Variants in TRMT11 observed in about 807,000 individuals in gnomAD.
TRMT11 encodes tRNA (guanine(10)-N(2))-methyltransferase TRMT11.
TRMT11 carries 53 observed loss-of-function variants against 62.8 expected under a neutral mutation model. The ratio of observed to expected loss-of-function variants is 0.84; its 90% confidence interval spans 0.68 to 1.06. TRMT11 has a LOEUF of 1.06. Ranked by LOEUF, TRMT11 falls within the 50% of genes least tolerant of loss-of-function variation. The probability of loss-of-function intolerance (pLI) is 0.00; values close to 1 mark genes in which losing one functional copy is unlikely to be tolerated. For synonymous variants in TRMT11, 188 were observed against 190.3 expected (o/e 0.99, Z 0.10); for missense variants, 556 against 553.4 (o/e 1.00, Z -0.05).
At chr6:126,026,447 G>A (rs991392042) in intron 12 of TRMT11, among the ~76,000 whole-genome samples, 3 of 151,892 alleles carry the variant, frequency 2.0e-5, no homozygotes, top group South Asian at 4.2e-4. Context: ...GTGCAGTGGC[G>A]TGATCTTGAC....
chr6:126,201,168 T>A (rs1376949136), intron 3 of TRMT11, among the ~76,000 whole-genome samples: 2 of 152,202 alleles, frequency 1.3e-5, no homozygotes, highest in African/African-American at 4.8e-5. Context: ...CATGGAGAAG[T>A]GCTTTGATGT....
At chr6:126,029,206 T>G (rs902109088) in intron 12 of TRMT11, among the ~76,000 whole-genome samples, 2 of 152,190 alleles carry the variant, frequency 1.3e-5, no homozygotes, top group African/African-American at 4.8e-5. Flanking sequence ...ATGTCCTCTT[T>G]CCACTTTATG....
chr6:126,218,743 C>G, the TRMT11 span, among the ~76,000 whole-genome samples: 1 of 152,240 alleles, frequency 6.6e-6, no homozygotes, highest in African/African-American at 2.4e-5. Context: ...CTCACTAGGT[C>G]ATGTGCTCTG....
At position 125,995,959 on chromosome 6, in the gene TRMT11, T is replaced by C. The variant is rs778228917; in HGVS notation, c.139-8T>C. The C allele has an allele frequency of 2.2e-5, 35 of 1,580,784 alleles. No homozygotes were observed. Among genetic ancestry groups the C allele is most frequent in the Admixed American group, 1.7e-4 (10 of 59,914 alleles). On this transcript the variant is annotated splice_region_variant and splice_polypyrimidine_tract_variant and intron_variant, in intron 2 of 12. Coordinates refer to ENST00000334379, the MANE Select transcript of TRMT11 (RefSeq NM_001031712.3). ...TAGAATTAAGTTGCATATTGTTATT[T>C]CTTTTAGTCACCATTTTGGATTCTT...
chr6:126,103,383 A>C (rs1777425002), intron 17 of TRMT11, among the ~76,000 whole-genome samples: 1 of 152,228 alleles, frequency 6.6e-6, no homozygotes, highest in South Asian at 2.1e-4. Flanking sequence ...AAAGTTGTAT[A>C]GGTTATATAT....
the TRMT11 span, among the ~76,000 whole-genome samples, chr6:126,216,107 T>G: frequency 6.6e-6 from 1 of 152,260 alleles, no homozygotes; most frequent in East Asian, 1.9e-4. Context: ...TAATTTATAT[T>G]TCCTCATTAA....
chr6:126,138,499 T>G (rs1201325368), intron 21 of TRMT11, among the ~76,000 whole-genome samples: 1 of 152,016 alleles, frequency 6.6e-6, no homozygotes, highest in Non-Finnish European at 1.5e-5. Context: ...TAGATAATAT[T>G]AATCATTTGA....
chr6:126,236,673 T>C, the TRMT11 span, among the ~76,000 whole-genome samples: 2 of 152,246 alleles, frequency 1.3e-5, no homozygotes, highest in Admixed American at 6.5e-5. Context: ...GTTCTCTTTA[T>C]GTTACAATAG....
the TRMT11 span, among the ~76,000 whole-genome samples, chr6:126,228,586 G>A: frequency 6.6e-6 from 1 of 152,120 alleles, no homozygotes; most frequent in Non-Finnish European, 1.5e-5. Context: ...TTTATAAGCC[G>A]ATCTGTTCAT....
Position 126,151,859 on chromosome 6 carries a change from T to C in TRMT11, c.*1824-22966T>C, listed in dbSNP as rs11751948. Among the ~76,000 whole-genome samples, 94 of 132,524 alleles carry C rather than the reference T, an allele frequency of 7.1e-4. 1 individual carries two copies. Among genetic ancestry groups the C allele is most frequent in the South Asian group, 1.7e-3 (7 of 4,196 alleles). The allele number at this position is 132,524 out of a possible 152,430, so 86.9% of individuals were successfully genotyped here. ...CTTTCTTTCTTTCTTTCTTTCTTTC[T>C]TTCTTTCCTTCTTTCTCCTTCCTTC... On this transcript the variant is annotated intron_variant and NMD_transcript_variant, in intron 21 of 22. Coordinates refer to the TRMT11 transcript ENST00000648977.
intron 21 of TRMT11, among the ~76,000 whole-genome samples, chr6:126,168,472 G>A (rs1778293378): frequency 1.3e-5 from 2 of 152,136 alleles, no homozygotes; most frequent in South Asian, 2.1e-4. Flanking sequence ...GATCATATTG[G>A]CCATTATGTT....
intron 17 of TRMT11, among the ~76,000 whole-genome samples, chr6:126,077,070 G>T (rs1201854877): frequency 6.6e-6 from 1 of 152,144 alleles, no homozygotes; most frequent in African/African-American, 2.4e-5. Context: ...TGTTTCAGGG[G>T]ATTTGGCTCA....
At chr6:126,059,108 T>C (rs532655892) in intron 17 of TRMT11, among the ~76,000 whole-genome samples, 145 of 146,208 alleles carry the variant, frequency 9.9e-4, no homozygotes, top group African/African-American at 3.7e-3. Flanking sequence ...GGTCTCAGAA[T>C]CCTGGCCTCA....
chr6:126,127,971 C>T (rs192327173), intron 21 of TRMT11, among the ~76,000 whole-genome samples: 469 of 152,072 alleles, frequency 3.1e-3, no homozygotes, highest in African/African-American at 0.011. Flanking sequence ...ACAGGAGATT[C>T]CTGCACATTT....
chr6:126,079,675 AC>A (rs1173248082), intron 17 of TRMT11, among the ~76,000 whole-genome samples: 12 of 152,044 alleles, frequency 7.9e-5, no homozygotes, highest in African/African-American at 2.9e-4. Context: ...CATGCAATCT[AC>A]CCAAGTAACA....
intron 17 of TRMT11, among the ~76,000 whole-genome samples, chr6:126,060,694 A>C (rs1776510784): frequency 6.6e-6 from 1 of 152,228 alleles, no homozygotes; most frequent in Non-Finnish European, 1.5e-5. Context: ...GGCACACAAT[A>C]GCTGAGTTTC....
At chr6:126,182,252 G>C (rs578042717) in intron 1 of TRMT11, among the ~76,000 whole-genome samples, 257 of 152,266 alleles carry the variant, frequency 1.7e-3, no homozygotes, top group African/African-American at 5.9e-3. Context: ...GAAGGAAGAG[G>C]TGCTCTTTAG....
intron 1 of TRMT11, among the ~76,000 whole-genome samples, chr6:126,182,019 A>T (rs1213898259): frequency 6.6e-6 from 1 of 152,236 alleles, no homozygotes; most frequent in South Asian, 2.1e-4. Context: ...AGTTTCTACT[A>T]TCAATGATTT....
intron 21 of TRMT11, among the ~76,000 whole-genome samples, chr6:126,149,686 A>C (rs1778015412): frequency 6.6e-6 from 1 of 152,200 alleles, no homozygotes; most frequent in African/African-American, 2.4e-5. Flanking sequence ...AACCCAGAGC[A>C]GTGCTACCCC....
Sources: allele counts gnomAD v4.1 joint callset (sites outside exome capture counted in the v4.1 genomes callset), GRCh38; gene constraint gnomAD v4.1.1; transcripts MANE v1.5; gene names NCBI Gene and HGNC (gene_info 2026-07-23, HGNC 2026-07-21).